SAMD4A: variants seen among roughly 807,000 people sequenced by gnomAD.
SAMD4A encodes the protein sterile alpha motif domain containing 4A, also known as protein Smaug homolog 1.
Under a neutral mutation model 81.3 loss-of-function variants are expected in SAMD4A, and 33 were observed. The observed-to-expected ratio is 0.41, with a 90% CI of 0.31 to 0.54. SAMD4A has a LOEUF of 0.54. Ranked by LOEUF, SAMD4A falls within the 20% of genes least tolerant of loss-of-function variation. The pLI is 0.37. For missense variants in SAMD4A, 854 were observed against 951.1 expected (o/e 0.90, Z 1.34); for synonymous variants, 389 against 382.1 (o/e 1.02, Z -0.21).
chr14:54,597,020 A>G (rs932345177), intron 2 of SAMD4A, among the ~76,000 whole-genome samples: 5 of 152,010 alleles, frequency 3.3e-5, no homozygotes, highest in Admixed American at 1.3e-4. Flanking sequence ...TTTCATGCCC[A>G]TTGCATTTTA....
chr14:54,644,231 G>A (rs891864985), intron 2 of SAMD4A, among the ~76,000 whole-genome samples: 16 of 152,186 alleles, frequency 1.1e-4, no homozygotes, highest in African/African-American at 3.9e-4. Context: ...GGTGTATCTT[G>A]TCTAAGGTTA....
intron 5 of SAMD4A, among the ~76,000 whole-genome samples, chr14:54,749,649 T>G (rs1302376667): frequency 6.6e-6 from 1 of 152,174 alleles, no homozygotes; most frequent in Non-Finnish European, 1.5e-5. Context: ...CAAAGGCCAG[T>G]CAACAGAACC....
intron 11 of SAMD4A, among the ~76,000 whole-genome samples, chr14:54,783,785 C>A (rs2039063513): frequency 6.6e-6 from 1 of 152,178 alleles, no homozygotes; most frequent in South Asian, 2.1e-4. Context: ...CCTAAAGCCC[C>A]CCACGTGGTC....
chr14:54,634,932 T>C lies in SAMD4A; in HGVS notation c.196+66820T>C, dbSNP rs141675034. Among the ~76,000 whole-genome samples the C allele has an allele frequency of 1.6e-3, 237 of 152,350 alleles. 3 individuals are homozygous for C. Among genetic ancestry groups the C allele is most frequent in the African/African-American group, 5.3e-3 (221 of 41,586 alleles). On this transcript the variant is annotated intron_variant, in intron 2 of 12. Transcript: ENST00000554335. ...TCTTTGGGTCTGATTCCCAGAACCA[T>C]GAGCCAAGAACTAAAGTTTGGGGAT... is the stretch of plus-strand genomic sequence containing the variant.
chr14:54,666,909 C>T (rs2035770272), intron 2 of SAMD4A, among the ~76,000 whole-genome samples: 1 of 152,126 alleles, frequency 6.6e-6, no homozygotes, highest in African/African-American at 2.4e-5. Flanking sequence ...AGGAGATGGA[C>T]TCTTAGTTTT....
Position 54,791,230 on chromosome 14 carries a change from T to C in SAMD4A, c.*2286T>C, listed in dbSNP as rs2039254042. 6.6e-6 allele frequency: 1 copy of C among 152,172 alleles called. No individual in the cohort carries two copies. Among genetic ancestry groups the C allele is most frequent in the Non-Finnish European group, 1.5e-5 (1 of 68,038 alleles). 9.4% of individuals were successfully genotyped at this position (152,172 alleles called of 1,614,324 possible). On this transcript the variant is annotated 3_prime_UTR_variant, in exon 13 of 13. Transcript: ENST00000554335. ...AAGGTAAGACCAGAGGGTTTGCGAATGTGGGTTTGTAGGATACTGAGAAAG... is the reference window on the plus strand; with the variant it reads ...AAGGTAAGACCAGAGGGTTTGCGAACGTGGGTTTGTAGGATACTGAGAAAG...
At chr14:54,775,898 C>T (rs1001587876) in intron 10 of SAMD4A, among the ~76,000 whole-genome samples, 9 of 151,906 alleles carry the variant, frequency 5.9e-5, no homozygotes, top group Non-Finnish European at 1.3e-4. Context: ...TCCCCAGCCC[C>T]CAGATCAGTT....
chr14:54,609,186 C>T (rs1188573837), intron 2 of SAMD4A, among the ~76,000 whole-genome samples: 1 of 152,148 alleles, frequency 6.6e-6, no homozygotes, highest in Non-Finnish European at 1.5e-5. Flanking sequence ...TCAATGTAAT[C>T]ACAGCGCCTT....
chr14:54,621,439 C>T (rs868097175), intron 2 of SAMD4A, among the ~76,000 whole-genome samples: 5 of 152,132 alleles, frequency 3.3e-5, no homozygotes, highest in African/African-American at 1.2e-4. Context: ...GACCTCCATC[C>T]GCTAGGCTGA....
intron 3 of SAMD4A, among the ~76,000 whole-genome samples, chr14:54,734,463 C>T (rs111499539): frequency 4.3e-4 from 66 of 152,324 alleles, no homozygotes; most frequent in African/African-American, 1.5e-3. Context: ...AAGACCCTGG[C>T]ACCTCAGGTA....
intron 3 of SAMD4A, among the ~76,000 whole-genome samples, chr14:54,723,991 T>C (rs12147610): frequency 0.57 from 75,993 of 133,016 alleles, 22,917 homozygotes; most frequent in Non-Finnish European, 0.71. Flanking sequence ...CAGCAAATAT[T>C]GGATGGATGG....
chr14:54,742,522 A>G (rs914252647), intron 4 of SAMD4A, among the ~76,000 whole-genome samples: 2 of 152,148 alleles, frequency 1.3e-5, no homozygotes, highest in Non-Finnish European at 2.9e-5. Context: ...CCTGAAGCCA[A>G]GTTCATCTGA....
chr14:54,580,275 T>G (rs1485423757), intron 2 of SAMD4A, among the ~76,000 whole-genome samples: 1 of 152,206 alleles, frequency 6.6e-6, no homozygotes, highest in Non-Finnish European at 1.5e-5. Flanking sequence ...GAGGCTCTAT[T>G]TACCTGAATT....
chr14:54,613,963 C>T (rs2034429555), intron 2 of SAMD4A, among the ~76,000 whole-genome samples: 1 of 152,226 alleles, frequency 6.6e-6, no homozygotes, highest in Non-Finnish European at 1.5e-5. Context: ...CTTTAAGAAA[C>T]GACCAGTTGT....
intron 2 of SAMD4A, among the ~76,000 whole-genome samples, chr14:54,589,273 A>C (rs989720515): frequency 2.6e-5 from 4 of 152,188 alleles, no homozygotes; most frequent in Non-Finnish European, 5.9e-5. Context: ...ATGAGGATGG[A>C]AACAGTGACT....
At chr14:54,587,985 A>G (rs1210661561) in intron 2 of SAMD4A, among the ~76,000 whole-genome samples, 1 of 152,194 alleles carries the variant, frequency 6.6e-6, no homozygotes, top group Non-Finnish European at 1.5e-5. Flanking sequence ...AATGCCTGAT[A>G]GAATTCAGCT....
intron 3 of SAMD4A, among the ~76,000 whole-genome samples, chr14:54,716,326 C>G (rs1204909258): frequency 2.0e-5 from 3 of 152,146 alleles, no homozygotes; most frequent in Non-Finnish European, 2.9e-5. Flanking sequence ...GTAGAGCACC[C>G]AACACTGTCC....
chr14:54,671,813 G>A (rs577647687), intron 2 of SAMD4A, among the ~76,000 whole-genome samples: 8 of 152,266 alleles, frequency 5.3e-5, no homozygotes, highest in South Asian at 2.1e-4. Context: ...AGGGCTCAAC[G>A]CATAGGCCTG....
intron 6 of SAMD4A, among the ~76,000 whole-genome samples, chr14:54,752,625 C>T (rs1469516412): frequency 2.0e-5 from 3 of 152,128 alleles, no homozygotes; most frequent in Non-Finnish European, 4.4e-5. Context: ...GCCTGCCCCT[C>T]CACACCTGTG....
Sources: gnomAD v4.1 joint callset for allele counts (sites outside exome capture counted in the v4.1 genomes callset) on GRCh38, gnomAD v4.1.1 for gene constraint, MANE v1.5 for transcripts, NCBI Gene and HGNC (gene_info 2026-07-23, HGNC 2026-07-21) for gene names.